PRELID2: variants seen among roughly 807,000 people sequenced by gnomAD.
The protein encoded by PRELID2 is PRELI domain-containing protein 2.
In PRELID2, 25 loss-of-function variants were observed where a neutral mutation model predicts 28.4. That is an observed-to-expected ratio of 0.88 (90% confidence interval 0.64 to 1.23). PRELID2 has a LOEUF of 1.23. Ranked by LOEUF, PRELID2 falls within the 50% of genes most tolerant of loss-of-function variation. The pLI, the probability that PRELID2 is intolerant of heterozygous loss-of-function variation, is 0.00. For synonymous variants in PRELID2, 76 were observed against 71.6 expected (o/e 1.06, Z -0.31); for missense variants, 201 against 214.4 (o/e 0.94, Z 0.39).
chr5:145,605,692 T>C (rs1753494623), intron 1 of PRELID2, among the ~76,000 whole-genome samples: 1 of 152,048 alleles, frequency 6.6e-6, no homozygotes, highest in Non-Finnish European at 1.5e-5. Context: ...TAAAATACTT[T>C]TTTCTAATTA....
At chr5:145,330,255 C>T in the PRELID2 span, among the ~76,000 whole-genome samples, 1 of 152,066 alleles carries the variant, frequency 6.6e-6, no homozygotes, top group Non-Finnish European at 1.5e-5. Flanking sequence ...GTGTCTCTGC[C>T]AGGTTTTGGT....
intron 4 of PRELID2, among the ~76,000 whole-genome samples, chr5:145,811,885 G>A (rs568393310): frequency 1.2e-3 from 178 of 152,196 alleles, no homozygotes; most frequent in African/African-American, 4.0e-3. Flanking sequence ...AAAGACAATG[G>A]GCAACATAGT....
chr5:145,572,840 T>C (rs1406112475), intron 1 of PRELID2, among the ~76,000 whole-genome samples: 1 of 152,202 alleles, frequency 6.6e-6, no homozygotes, highest in Non-Finnish European at 1.5e-5. Context: ...TCGTCTTCAC[T>C]GAGGCTGTCT....
chr5:145,623,478 C>G (rs1471720064), intron 1 of PRELID2, among the ~76,000 whole-genome samples: 1 of 150,506 alleles, frequency 6.6e-6, no homozygotes, highest in Non-Finnish European at 1.5e-5. Context: ...ATAAATAAAA[C>G]AAAAACTAAA....
At chr5:145,834,630 A>C (rs1012278920) in intron 1 of PRELID2, 1 of 152,234 alleles carries the variant, frequency 6.6e-6, no homozygotes, top group African/African-American at 2.4e-5. Flanking sequence ...TGTGCTAAGC[A>C]CTTTACACAA....
At chr5:145,407,727 A>T in the PRELID2 span, among the ~76,000 whole-genome samples, 1 of 152,170 alleles carries the variant, frequency 6.6e-6, no homozygotes, top group Admixed American at 6.5e-5. Context: ...TCATAACAGG[A>T]CAACTCTGCT....
intron 1 of PRELID2, among the ~76,000 whole-genome samples, chr5:145,486,183 C>T (rs905442946): frequency 6.6e-6 from 1 of 152,142 alleles, no homozygotes; most frequent in Non-Finnish European, 1.5e-5. Context: ...ATAACATCTT[C>T]CCAGAACCCT....
chr5:145,667,774 A>G (rs577060603), intron 1 of PRELID2, among the ~76,000 whole-genome samples: 1 of 152,196 alleles, frequency 6.6e-6, no homozygotes, highest in East Asian at 1.9e-4. Flanking sequence ...TAATATCAAT[A>G]TAAACCCACT....
At chr5:145,634,954 G>T (rs1267841318) in intron 1 of PRELID2, among the ~76,000 whole-genome samples, 1 of 152,186 alleles carries the variant, frequency 6.6e-6, no homozygotes, top group Non-Finnish European at 1.5e-5. Flanking sequence ...GTAGCAGCCA[G>T]TCACAGTTAA....
chr5:145,244,247 G>A, the PRELID2 span, among the ~76,000 whole-genome samples: 3 of 151,938 alleles, frequency 2.0e-5, no homozygotes, highest in African/African-American at 2.4e-5. Context: ...GAGCCACCAC[G>A]GCTGGCCCCA....
the PRELID2 span, among the ~76,000 whole-genome samples, chr5:145,419,124 T>G: frequency 2.5e-4 from 38 of 150,484 alleles, no homozygotes; most frequent in Non-Finnish European, 4.5e-4. Context: ...TAATCCAGTC[T>G]ATCATTGTTG....
chr5:145,772,881 T>C (rs544516465), intron 5 of PRELID2, among the ~76,000 whole-genome samples: 1 of 152,232 alleles, frequency 6.6e-6, no homozygotes, highest in Non-Finnish European at 1.5e-5. Context: ...TCTAATCCCA[T>C]CTACAAACTG....
intron 1 of PRELID2, among the ~76,000 whole-genome samples, chr5:145,583,621 T>C (rs1753127275): frequency 6.6e-6 from 1 of 151,920 alleles, no homozygotes; most frequent in African/African-American, 2.4e-5. Context: ...ATGTGCAAAA[T>C]CGCTAGCATT....
the PRELID2 span, among the ~76,000 whole-genome samples, chr5:145,374,278 A>G: frequency 6.6e-6 from 1 of 152,082 alleles, no homozygotes; most frequent in Non-Finnish European, 1.5e-5. Flanking sequence ...CTGGGTTGAC[A>G]ATTCTTTTTT....
the PRELID2 span, among the ~76,000 whole-genome samples, chr5:145,385,736 T>C: frequency 1.3e-5 from 2 of 152,198 alleles, 1 homozygote; most frequent in South Asian, 4.1e-4. Context: ...ATTGTGATGT[T>C]CTTTAGAAGT....
intron 1 of PRELID2, among the ~76,000 whole-genome samples, chr5:145,544,334 A>G (rs1752768576): frequency 6.6e-6 from 1 of 152,172 alleles, no homozygotes; most frequent in Non-Finnish European, 1.5e-5. Flanking sequence ...CTTATGCTTT[A>G]ATTTCATACT....
intron 1 of PRELID2, among the ~76,000 whole-genome samples, chr5:145,699,442 G>A (rs76319256): frequency 0.046 from 7,034 of 152,104 alleles, 570 homozygotes; most frequent in African/African-American, 0.16. Flanking sequence ...ACTAAGGGTA[G>A]GAGAACTGCA....
At chr5:145,767,132 C>T (rs1352782852) in intron 5 of PRELID2, among the ~76,000 whole-genome samples, 1 of 133,200 alleles carries the variant, frequency 7.5e-6, no homozygotes, top group African/African-American at 2.7e-5. Context: ...CCCACCCCAC[C>T]CCCCACCCTG....
chr5:145,575,530 T>C (rs1048823830), intron 1 of PRELID2, among the ~76,000 whole-genome samples: 11 of 152,154 alleles, frequency 7.2e-5, no homozygotes, highest in Non-Finnish European at 1.5e-4. Context: ...AAAGGGACCT[T>C]TCTATAGTTT....
Sources: gnomAD v4.1 joint callset for allele counts (sites outside exome capture counted in the v4.1 genomes callset) on GRCh38, gnomAD v4.1.1 for gene constraint, MANE v1.5 for transcripts, NCBI Gene and HGNC (gene_info 2026-07-23, HGNC 2026-07-21) for gene names.